Variants in ZFHX3 observed in about 807,000 individuals in gnomAD.
ZFHX3 encodes zinc finger homeobox protein 3.
Under a neutral mutation model 279.1 loss-of-function variants are expected in ZFHX3, and 42 were observed. The ratio of observed to expected loss-of-function variants is 0.15; its 90% CI spans 0.12 to 0.19. The LOEUF is 0.19. Among genes scored for constraint, ZFHX3 ranks in the 10% least tolerant of loss-of-function variants. The pLI, the probability that ZFHX3 is intolerant of heterozygous loss-of-function variation, is 1.00. For missense variants in ZFHX3, 4,981 were observed against 4,754.0 expected, an observed-to-expected ratio of 1.05 and a Z score of -1.40; for synonymous variants, 2,293 against 1,957.8, an observed-to-expected ratio of 1.17 and a Z score of -4.52.
chr16:73,192,907 G>A (rs139469970), intron 5 of ZFHX3, among the ~76,000 whole-genome samples: 259 of 152,294 alleles, frequency 1.7e-3, no homozygotes, highest in South Asian at 5.2e-3. Flanking sequence ...ACACAAGTGG[G>A]TCTAAAGTCT....
chr16:73,775,257 C>T (rs1959220319), intron 1 of ZFHX3, among the ~76,000 whole-genome samples: 1 of 152,160 alleles, frequency 6.6e-6, no homozygotes, highest in South Asian at 2.1e-4. Flanking sequence ...TGAGAGGTCT[C>T]CGCTTTTCCT....
chr16:73,682,878 G>GAAAGAAAGA lies in ZFHX3; in HGVS notation c.-1607-2647_-1607-2639dup, dbSNP rs1567550453. ...AGAAAGAAAGAAAGAAAGAAAGAAA[G>GAAAGAAAGA]AAAGAAAGAAAGAAAGAAAGAAAGA... On this transcript the variant is annotated intron_variant, in intron 1 of 17. Transcript: ENST00000641206. 4.6e-3 allele frequency among the ~76,000 whole-genome samples: 134 copies of GAAAGAAAGA among 29,404 alleles called. 4 individuals are homozygous for GAAAGAAAGA. The highest frequency in any genetic ancestry group is 0.012 in the African/African-American group (127 of 10,356). 19.3% of individuals were successfully genotyped at this position (29,404 alleles called of 152,430 possible). A position where few individuals can be genotyped will look rare whatever the true frequency, so the allele number is the denominator to read the frequency against.
chr16:73,759,076 T>C (rs1425599078), intron 1 of ZFHX3, among the ~76,000 whole-genome samples: 1 of 152,240 alleles, frequency 6.6e-6, no homozygotes, highest in Non-Finnish European at 1.5e-5. Flanking sequence ...AGCTGGTATA[T>C]TTGTTATGAC....
intron 5 of ZFHX3, among the ~76,000 whole-genome samples, chr16:72,823,695 T>A (rs1263149526): frequency 6.6e-6 from 1 of 152,212 alleles, no homozygotes; most frequent in East Asian, 1.9e-4. Context: ...TCCAAGATTC[T>A]ATAATGCTCT....
intron 2 of ZFHX3, among the ~76,000 whole-genome samples, chr16:73,467,496 A>G (rs984830731): frequency 6.6e-6 from 1 of 152,214 alleles, no homozygotes; most frequent in African/African-American, 2.4e-5. Context: ...TTCAGGGGGT[A>G]GTGCACCGAC....
chr16:73,552,708 A>G (rs2020219725), intron 2 of ZFHX3, among the ~76,000 whole-genome samples: 1 of 149,346 alleles, frequency 6.7e-6, no homozygotes, highest in South Asian at 2.1e-4. Flanking sequence ...TAAATGAGGG[A>G]AGAAAGGCAT....
chr16:73,337,636 A>C (rs916442055), intron 3 of ZFHX3, among the ~76,000 whole-genome samples: 6 of 151,768 alleles, frequency 4.0e-5, no homozygotes, highest in African/African-American at 1.5e-4. Context: ...ATTACTCTTG[A>C]TGACTTCAGT....
chr16:73,057,544 AAAAAAAG>A (rs1201086993), intron 1 of ZFHX3, among the ~76,000 whole-genome samples: 1 of 151,252 alleles, frequency 6.6e-6, no homozygotes, highest in Non-Finnish European at 1.5e-5. Flanking sequence ...GCAAAAAAAA[AAAAAAAG>A]AAGAAGAAGA....
intron 8 of ZFHX3, chr16:73,093,172 A>G (rs199599307): frequency 2.8e-4 from 145 of 520,066 alleles, no homozygotes; most frequent in African/African-American, 2.7e-4. Flanking sequence ...CCTCCAGCAG[A>G]GGTTTTCGGG....
At chr16:73,530,881 G>A (rs1209128525) in intron 2 of ZFHX3, among the ~76,000 whole-genome samples, 1 of 152,174 alleles carries the variant, frequency 6.6e-6, no homozygotes, top group East Asian at 1.9e-4. Context: ...GTGTGGACGT[G>A]AATTGAATTC....
At chr16:72,998,621 G>A (rs1248557977) in intron 1 of ZFHX3, among the ~76,000 whole-genome samples, 1 of 152,120 alleles carries the variant, frequency 6.6e-6, no homozygotes, top group Non-Finnish European at 1.5e-5. Flanking sequence ...GGGTGCTTAG[G>A]GGCCACATAC....
intron 3 of ZFHX3, among the ~76,000 whole-genome samples, chr16:73,323,675 C>G (rs1022991781): frequency 6.6e-6 from 1 of 152,018 alleles, no homozygotes; most frequent in African/African-American, 2.4e-5. Context: ...AGAGGAACAG[C>G]AGATAGGAAG....
chr16:73,043,258 A>G (rs767702396), intron 1 of ZFHX3, among the ~76,000 whole-genome samples: 1 of 152,192 alleles, frequency 6.6e-6, no homozygotes, highest in Non-Finnish European at 1.5e-5. Context: ...CCCCCCACAC[A>G]GTAATCCTCA....
intron 2 of ZFHX3, among the ~76,000 whole-genome samples, chr16:73,637,862 G>A (rs2052541985): frequency 6.6e-6 from 1 of 151,966 alleles, no homozygotes; most frequent in East Asian, 1.9e-4. Context: ...AATAAGACAA[G>A]AACTGACTTA....
intron 8 of ZFHX3, among the ~76,000 whole-genome samples, chr16:73,073,357 T>C (rs1309102261): frequency 6.6e-6 from 1 of 152,204 alleles, no homozygotes; most frequent in African/African-American, 2.4e-5. Context: ...AGGTCGGTCA[T>C]AGATATGTCT....
chr16:73,853,280 A>T (rs1455011787), intron 1 of ZFHX3, among the ~76,000 whole-genome samples: 1 of 152,234 alleles, frequency 6.6e-6, no homozygotes, highest in Non-Finnish European at 1.5e-5. Flanking sequence ...TTTCTCAAAG[A>T]ACTAAAAATA....
At chr16:73,521,252 C>G (rs570099876) in intron 2 of ZFHX3, among the ~76,000 whole-genome samples, 1 of 152,228 alleles carries the variant, frequency 6.6e-6, no homozygotes, top group African/African-American at 2.4e-5. Context: ...TCTTGTGGAG[C>G]AATCTCATCC....
Position 72,795,953 on chromosome 16 carries a change from C to T in ZFHX3, c.6729G>A (p.Arg2243=). Residue 2243 remains arginine, a synonymous_variant, in exon 9 of 10, where the codon AGG becomes AGA. Transcript: ENST00000268489. ...PPKQEYWGSK[R]SSRTRFTDYQ... The stretch of plus-strand genomic sequence containing the variant: ...AGTCCGTAAACCTTGTTCTTGAAGA[C>T]CTCTTGCTTCCCCAGTACTCCTGCT... 1 of 1,614,164 alleles carries T rather than the reference C, an allele frequency of 6.2e-7. No individual in the cohort carries two copies. The highest frequency in any genetic ancestry group is 8.5e-7 in the Non-Finnish European group (1 of 1,180,034).
At chr16:73,347,144 G>T (rs769874610) in intron 3 of ZFHX3, among the ~76,000 whole-genome samples, 3 of 152,180 alleles carry the variant, frequency 2.0e-5, no homozygotes, top group Non-Finnish European at 4.4e-5. Flanking sequence ...TCAAATGACT[G>T]CAAAGTCTAT....
Sources: allele counts gnomAD v4.1 joint callset (sites outside exome capture counted in the v4.1 genomes callset), GRCh38; gene constraint gnomAD v4.1.1; transcripts MANE v1.5; gene names NCBI Gene and HGNC (gene_info 2026-07-23, HGNC 2026-07-21).